The following DKK3 variants were observed in gnomAD, a reference collection of about 807,000 sequenced individuals.
DKK3 encodes dickkopf Wnt signaling pathway inhibitor 3.
Under a neutral mutation model 33.2 loss-of-function variants are expected in DKK3, and 22 were observed. The observed-to-expected ratio is 0.66, with a 90% CI of 0.47 to 0.95. The LOEUF is 0.95. Among genes scored for constraint, DKK3 ranks in the 40% least tolerant of loss-of-function variants. The probability of loss-of-function intolerance (pLI) is 0.00; values close to 1 mark genes in which losing one functional copy is unlikely to be tolerated. For synonymous variants in DKK3, 194 were observed against 188.8 expected (o/e 1.03, Z -0.23); for missense variants, 398 against 458.4 (o/e 0.87, Z 1.20).
intron 5 of DKK3, 94 bp downstream of exon 5, chr11:11,966,860 A>G: frequency 6.5e-7 from 1 of 1,543,320 alleles, no homozygotes; most frequent in Non-Finnish European, 8.8e-7. Context: ...GTGGGACGCG[A>G]AACCATGTGG....
rs1847527880 is a variant in DKK3 at position 11,964,364 on chromosome 11, A to T, written c.*100T>A. 1.4e-6 allele frequency: 2 copies of T among 1,430,370 alleles called. No individual in the cohort carries two copies. Among genetic ancestry groups the T allele is most frequent in the South Asian group, 2.7e-5 (2 of 74,522 alleles). The allele number at this position is 1,430,370 out of a possible 1,614,324, so 88.6% of individuals were successfully genotyped here. On this transcript the variant is annotated 3_prime_UTR_variant, in exon 7 of 7. Transcript: ENST00000683431. ...CCAGAGGGGAAACTTACTGGGAAGA[A>T]GATGTAGGAAGAAGCCTGGTCAGCC...
chr11:11,985,370 G>A (rs1025826825), intron 3 of DKK3, among the ~76,000 whole-genome samples: 24 of 152,182 alleles, frequency 1.6e-4, no homozygotes, highest in African/African-American at 5.8e-4. Context: ...GTTCTTGCTG[G>A]GCAAGCCTGG....
At chr11:11,966,070 C>G in intron 5 of DKK3, 105 bp from the exon 6 acceptor site, 10 of 1,348,430 alleles carry the variant, frequency 7.4e-6, no homozygotes, top group South Asian at 4.4e-5. Flanking sequence ...CCACCCTCAA[C>G]CCCAAAGTGC....
In DKK3 at chr11:11,965,142, G is replaced by A. The variant is rs536578250; in HGVS notation, c.831-456C>T. ...AAAAAAAATTAATGTGTTTGGTAGAGACGGGATCTCCCTATGTTGCCCAGG... is the reference window on the plus strand; with the variant it reads ...AAAAAAAATTAATGTGTTTGGTAGAAACGGGATCTCCCTATGTTGCCCAGG... On this transcript the variant is annotated intron_variant, in intron 6 of 6. Coordinates refer to ENST00000683431, the MANE Select transcript of DKK3 (RefSeq NM_001018057.2). Among the ~76,000 whole-genome samples, 66 of 152,352 alleles carry A rather than the reference G, an allele frequency of 4.3e-4. No homozygotes were observed. The Middle Eastern group carries it at 0.014, about 31-fold the overall frequency.
intron 3 of DKK3, among the ~76,000 whole-genome samples, chr11:11,997,367 C>G (rs764913226): frequency 1.1e-4 from 17 of 152,194 alleles, no homozygotes; most frequent in Non-Finnish European, 1.3e-4. Flanking sequence ...AGATCTGGAA[C>G]ACTCTAAACC....
chr11:11,991,461 T>C (rs1848186164), intron 3 of DKK3, among the ~76,000 whole-genome samples: 1 of 152,176 alleles, frequency 6.6e-6, no homozygotes, highest in African/African-American at 2.4e-5. Context: ...GGCTCATGCC[T>C]ATAGTCCCAG....
At chr11:11,994,714 C>A (rs1177714834) in intron 3 of DKK3, 1 of 152,196 alleles carries the variant, frequency 6.6e-6, no homozygotes, top group African/African-American at 2.4e-5. Flanking sequence ...AGTGTATGAA[C>A]AAGTTGGGGT....
chr11:11,987,908 C>T (rs1848104668), intron 3 of DKK3, among the ~76,000 whole-genome samples: 1 of 152,216 alleles, frequency 6.6e-6, no homozygotes, highest in Non-Finnish European at 1.5e-5. Context: ...TAAACTACTG[C>T]TTCCTGCCAC....
At chr11:11,997,593 A>G (rs1848324436) in intron 3 of DKK3, among the ~76,000 whole-genome samples, 1 of 152,118 alleles carries the variant, frequency 6.6e-6, no homozygotes, top group African/African-American at 2.4e-5. Context: ...CCTAGCTGGT[A>G]GGTGACAAAG....
upstream of DKK3, chr11:12,009,454 G>A: frequency 1.1e-6 from 1 of 893,216 alleles, no homozygotes; most frequent in Non-Finnish European, 1.3e-6. Flanking sequence ...CCGGGGCGCC[G>A]GCCACCTCAC....
intron 1 of DKK3, among the ~76,000 whole-genome samples, chr11:12,007,747 G>A (rs982539643): frequency 2.0e-5 from 3 of 152,226 alleles, no homozygotes; most frequent in Non-Finnish European, 2.9e-5. Context: ...AGGAGGACCT[G>A]AGCCCAGGAC....
Position 11,964,308 on chromosome 11 carries a change from G to A in DKK3, c.*156C>T. On this transcript the variant is annotated 3_prime_UTR_variant, in exon 7 of 7. Transcript: ENST00000683431. ...GCCTGGAGAACAGCCTGGGGGAGCTGAACAAATGCACAACACCTCATGCTG... is the reference window on the plus strand; with the variant it reads ...GCCTGGAGAACAGCCTGGGGGAGCTAAACAAATGCACAACACCTCATGCTG... 4 of 980,422 alleles carry A rather than the reference G, an allele frequency of 4.1e-6. No homozygotes were observed. In the South Asian group the frequency reaches 4.8e-5, roughly 12 times the overall value. 60.7% of individuals were successfully genotyped at this position (980,422 alleles called of 1,614,324 possible). A position where few individuals can be genotyped will look rare whatever the true frequency, so the allele number is the denominator to read the frequency against.
intron 3 of DKK3, among the ~76,000 whole-genome samples, chr11:11,988,855 G>T (rs1053265985): frequency 6.6e-6 from 1 of 152,246 alleles, no homozygotes; most frequent in Non-Finnish European, 1.5e-5. Flanking sequence ...AGGGTGAGGG[G>T]TGAGAAACTC....
At chr11:11,968,320 G>T in intron 4 of DKK3, 75 bp downstream of exon 4, 1 of 1,426,108 alleles carries the variant, frequency 7.0e-7, no homozygotes, top group Non-Finnish European at 9.6e-7. Context: ...AGCTGAGAAC[G>T]CTGGGGCCCC....
chr11:11,983,098 T>G (rs978726992), intron 3 of DKK3, among the ~76,000 whole-genome samples: 2 of 152,210 alleles, frequency 1.3e-5, no homozygotes, highest in South Asian at 4.1e-4. Context: ...TTGATCACAT[T>G]CAGGACACTA....
At chr11:11,975,692 G>A (rs1847818463) in intron 3 of DKK3, among the ~76,000 whole-genome samples, 1 of 152,160 alleles carries the variant, frequency 6.6e-6, no homozygotes, top group Non-Finnish European at 1.5e-5. Flanking sequence ...GGGGTATCCT[G>A]GGATGCAGGA....
intron 3 of DKK3, among the ~76,000 whole-genome samples, chr11:11,975,276 TAGA>T: frequency 6.6e-6 from 1 of 152,292 alleles, no homozygotes; most frequent in Non-Finnish European, 1.5e-5. Context: ...ATCTTATTGC[TAGA>T]AGGTGACAGA....
At chr11:11,985,891 T>C (rs73417340) in intron 3 of DKK3, among the ~76,000 whole-genome samples, 2 of 152,240 alleles carry the variant, frequency 1.3e-5, no homozygotes, top group Non-Finnish European at 2.9e-5. Flanking sequence ...AGGCAAGCAC[T>C]GAGTATGACT....
intron 5 of DKK3, among the ~76,000 whole-genome samples, chr11:11,966,556 T>C (rs968038632): frequency 2.6e-5 from 4 of 151,970 alleles, no homozygotes; most frequent in African/African-American, 7.3e-5. Flanking sequence ...TGAGAATTTT[T>C]CAAAACCCTA....
Sources: gnomAD v4.1 joint callset for allele counts (sites outside exome capture counted in the v4.1 genomes callset) on GRCh38, gnomAD v4.1.1 for gene constraint, MANE v1.5 for transcripts, NCBI Gene and HGNC (gene_info 2026-07-23, HGNC 2026-07-21) for gene names.